The following ABI3BP variants were observed in gnomAD, a reference collection of about 807,000 sequenced individuals.
ABI3BP encodes the protein target of Nesh-SH3.
Under a neutral mutation model 268.6 loss-of-function variants are expected in ABI3BP, and 216 were observed. The ratio of observed to expected loss-of-function variants is 0.80; its 90% CI spans 0.72 to 0.90. The LOEUF is 0.90. ABI3BP is among the 40% of genes least tolerant of loss of function. The pLI is 0.00. For synonymous variants in ABI3BP, 730 were observed against 730.0 expected (o/e 1.00, Z 0.00); for missense variants, 2,090 against 2,182.4 (o/e 0.96, Z 0.84).
intron 30 of ABI3BP, 88 bp from the exon 31 acceptor site, chr3:100,832,438 TGTTAGA>T (rs2098509201): frequency 8.1e-7 from 1 of 1,230,522 alleles, no homozygotes; most frequent in Non-Finnish European, 1.1e-6. Flanking sequence ...TTAAAATACT[TGTTAGA>T]GTTTGAGTTG....
intron 61 of ABI3BP, among the ~76,000 whole-genome samples, chr3:100,774,089 C>G (rs1305960483): frequency 6.6e-6 from 1 of 152,160 alleles, no homozygotes; most frequent in Non-Finnish European, 1.5e-5. Context: ...AAAAAGGGCT[C>G]TATGTCATAT....
chr3:100,855,369 A>G (rs112135477), intron 14 of ABI3BP, among the ~76,000 whole-genome samples: 2,225 of 152,360 alleles, frequency 0.015, 51 homozygotes, highest in African/African-American at 0.05. Context: ...TCAAGACTTT[A>G]TCTTATTCAA....
chr3:100,788,464 C>A (rs898370546), intron 56 of ABI3BP, among the ~76,000 whole-genome samples: 1 of 152,068 alleles, frequency 6.6e-6, no homozygotes, highest in Non-Finnish European at 1.5e-5. Context: ...ATCTTTTGAT[C>A]CACTTTCTAG....
intron 1 of ABI3BP, among the ~76,000 whole-genome samples, chr3:100,967,010 A>C (rs1562141615): frequency 1.3e-5 from 2 of 151,376 alleles, no homozygotes; most frequent in Non-Finnish European, 2.9e-5. Context: ...TCTGTTTTTG[A>C]TTAGCAGTGT....
Position 100,875,531 on chromosome 3 carries a change from G to T in ABI3BP, c.794C>A (p.Ala265Asp). The T allele has an allele frequency of 6.2e-7, 1 of 1,612,998 alleles. No individual in the cohort carries two copies. The highest frequency in any genetic ancestry group is 8.5e-7 in the Non-Finnish European group (1 of 1,178,990). Residue 265 changes from alanine (A) to aspartate (D), a missense_variant, in exon 8 of 68, where the codon GCT (alanine) becomes GAT (aspartate). Coordinates refer to ENST00000471714, the MANE Select transcript of ABI3BP (RefSeq NM_001375547.2). The stretch of plus-strand genomic sequence containing the variant: ...ACCTAGTATCACTCCTCCCAGTGGA[G>T]CTTTTTCTGGGGATTTAGCTGAATC... ...HKDSAKSPEKAPLGGVILVHL... is the reference protein window; with the variant it reads ...HKDSAKSPEKDPLGGVILVHL...
At chr3:100,830,005 C>G (rs1430806456) in intron 32 of ABI3BP, among the ~76,000 whole-genome samples, 1 of 149,102 alleles carries the variant, frequency 6.7e-6, no homozygotes, top group Non-Finnish European at 1.5e-5. Context: ...ATTTACCAAC[C>G]TTGGGCATAT....
chr3:100,782,568 A>C (rs2096901358), intron 57 of ABI3BP, among the ~76,000 whole-genome samples: 1 of 151,408 alleles, frequency 6.6e-6, no homozygotes, highest in Non-Finnish European at 1.5e-5. Flanking sequence ...GGCTCGGTGG[A>C]AAGATCTGGG....
At position 100,838,242 on chromosome 3, in the gene ABI3BP, G is replaced by A. The variant is rs1460091037; in HGVS notation, c.2051C>T (p.Thr684Ile). 3 of 1,536,394 alleles carry A rather than the reference G, an allele frequency of 2.0e-6. No individual in the cohort carries two copies. Among genetic ancestry groups the A allele is most frequent in the African/African-American group, 2.7e-5 (2 of 73,026 alleles). Residue 684 changes from threonine to isoleucine, a missense_variant, in exon 26 of 68, where the codon ACA (threonine) becomes ATA (isoleucine). Thr to Ile is a moderately conservative substitution (Grantham distance 89, BLOSUM62 -1). Coordinates refer to ENST00000471714, the MANE Select transcript of ABI3BP (RefSeq NM_001375547.2). ...AGTTGGTGGCATGTCTGGTTCTGCT[G>A]TGGTTTGGGGTTTAGGAAGTAATTG... ...PKQLLPKPQT[T>I]AEPDMPPTKS...
At chr3:100,826,113 T>G (rs952143419) in intron 34 of ABI3BP, among the ~76,000 whole-genome samples, 2 of 151,956 alleles carry the variant, frequency 1.3e-5, no homozygotes, top group African/African-American at 4.8e-5. Context: ...ACAGGACTGA[T>G]GGACTCATAT....
chr3:100,956,462 C>A (rs1174032732), intron 1 of ABI3BP, among the ~76,000 whole-genome samples: 1 of 152,070 alleles, frequency 6.6e-6, no homozygotes, highest in South Asian at 2.1e-4. Flanking sequence ...GGTGCCAGAC[C>A]CTCCAACTCT....
intron 1 of ABI3BP, among the ~76,000 whole-genome samples, chr3:100,971,118 G>T (rs750377333): frequency 6.6e-6 from 1 of 152,112 alleles, no homozygotes; most frequent in Non-Finnish European, 1.5e-5. Flanking sequence ...AGCATGCCTC[G>T]CAAGTGTCAG....
intron 15 of ABI3BP, among the ~76,000 whole-genome samples, chr3:100,851,024 CTG>C (rs1250279509): frequency 2.0e-5 from 3 of 152,224 alleles, no homozygotes; most frequent in Admixed American, 1.3e-4. Flanking sequence ...TAATTGCTAA[CTG>C]AACTCACCAC....
At chr3:100,974,648 C>T (rs1477786521) in intron 1 of ABI3BP, among the ~76,000 whole-genome samples, 1 of 152,028 alleles carries the variant, frequency 6.6e-6, no homozygotes. Flanking sequence ...GATGGAAATG[C>T]TTTACTTGAT....
intron 16 of ABI3BP, 141 bp from the exon 17 acceptor site, chr3:100,850,260 G>T: frequency 1.3e-6 from 1 of 740,778 alleles, no homozygotes; most frequent in Admixed American, 2.7e-5. Flanking sequence ...AGTCTTGAAA[G>T]CTAGTGAATA....
intron 63 of ABI3BP, among the ~76,000 whole-genome samples, chr3:100,761,304 T>G (rs61377609): frequency 0.039 from 5,916 of 152,234 alleles, 381 homozygotes; most frequent in African/African-American, 0.13. Context: ...TGTTAACATC[T>G]CTTTTGCATC....
intron 2 of ABI3BP, among the ~76,000 whole-genome samples, chr3:100,905,792 T>C (rs1472546330): frequency 3.3e-5 from 5 of 152,094 alleles, no homozygotes; most frequent in Non-Finnish European, 4.4e-5. Flanking sequence ...TATAAAGATA[T>C]AAAGTAAACT....
chr3:100,850,710 G>A lies in ABI3BP; in HGVS notation c.1376C>T (p.Ser459Phe). 1 of 1,613,082 alleles carries A rather than the reference G, an allele frequency of 6.2e-7. No homozygotes were observed. Among genetic ancestry groups the A allele is most frequent in the Non-Finnish European group, 8.5e-7 (1 of 1,179,272 alleles). The change falls in exon 16 of 68, where the codon TCT becomes TTT. Residue 459 changes from serine to phenylalanine, a missense_variant. Ser to Phe is a radical substitution (Grantham distance 155). Coordinates refer to ENST00000471714, the MANE Select transcript of ABI3BP (RefSeq NM_001375547.2). ...YTATSDRILDSIPPKTSRTLE... is the reference protein window; with the variant it reads ...YTATSDRILDFIPPKTSRTLE... ...AGTTCTAGAAGTTTTAGGTGGGATAGAATCCAGAATACGATCACTTGTTGC... is the reference window on the plus strand; with the variant it reads ...AGTTCTAGAAGTTTTAGGTGGGATAAAATCCAGAATACGATCACTTGTTGC...
rs973032680 is a variant in ABI3BP at position 100,867,655 on chromosome 3, A to G, written c.911-699T>C. 4.6e-5 allele frequency among the ~76,000 whole-genome samples: 7 copies of G among 151,364 alleles called. 1 individual carries two copies. The South Asian group carries it at 6.3e-4, about 14-fold the overall frequency. On this transcript the variant is annotated intron_variant, in intron 9 of 67. Transcript: ENST00000471714. ...GACCCCGTCTCAAAAAAAAAAAAAA[A>G]AAAAAAGAAAATTTCCGTTATTCTA...
At chr3:100,848,939 T>C (rs1263136359) in intron 17 of ABI3BP, 64 bp from the exon 18 acceptor site, 17 of 1,438,960 alleles carry the variant, frequency 1.2e-5, no homozygotes. Flanking sequence ...AGGTTGTGCC[T>C]GTAAATTTGC....
Sources: gnomAD v4.1 joint callset for allele counts (sites outside exome capture counted in the v4.1 genomes callset) on GRCh38, gnomAD v4.1.1 for gene constraint, MANE v1.5 for transcripts, NCBI Gene and HGNC (gene_info 2026-07-23, HGNC 2026-07-21) for gene names.